The following DMD variants were observed in gnomAD, a reference collection of about 807,000 sequenced individuals.
DMD encodes dystrophin, also known as mutant dystrophin.
A neutral mutation model predicts 330.1 loss-of-function variants in DMD; 63 were observed. That is an observed-to-expected ratio of 0.19 (90% confidence interval 0.16 to 0.24). The LOEUF (loss-of-function observed/expected upper bound fraction) is 0.24. DMD is among the 10% of genes least tolerant of loss of function. The pLI, the probability that DMD is intolerant of heterozygous loss-of-function variation, is 1.00. For synonymous variants in DMD, 1,223 were observed against 959.8 expected (o/e 1.27, Z -5.07); for missense variants, 3,344 against 2,684.1 (o/e 1.25, Z -5.43).
In DMD at chrX:32,341,124, A is replaced by G. The variant is rs72626037; in HGVS notation, c.5922+976T>C. 1.4e-3 allele frequency among the ~76,000 whole-genome samples: 161 copies of G among 112,005 alleles called. 2 individuals are homozygous for G. The East Asian group carries it at 0.037, about 26-fold the overall frequency. On this transcript the variant is annotated intron_variant, in intron 41 of 78. Transcript: ENST00000357033. Reference sequence around the variant, plus strand: ...CACTATCACAGAAGAAGTTCCCAAGAAGTCTCATACATGGGCTGAACCCTA... The same window carrying G: ...CACTATCACAGAAGAAGTTCCCAAGGAGTCTCATACATGGGCTGAACCCTA...
chrX:32,683,471 G>A (rs979454697), intron 9 of DMD, among the ~76,000 whole-genome samples: 1 of 108,991 alleles, frequency 9.2e-6, no homozygotes, highest in Non-Finnish European at 1.9e-5. Context: ...CCATAAAAAA[G>A]GATGAGTTCA....
chrX:32,836,859 C>G (rs985454440), intron 4 of DMD, among the ~76,000 whole-genome samples: 1 of 111,694 alleles, frequency 9.0e-6, no homozygotes, highest in Non-Finnish European at 1.9e-5. Context: ...ATATATTGCC[C>G]GTTTATAATT....
At chrX:31,252,327 G>A (rs1573952) in intron 63 of DMD, among the ~76,000 whole-genome samples, 25,449 of 111,393 alleles carry the variant, frequency 0.23, 2,351 homozygotes, top group East Asian at 0.42. Flanking sequence ...TAATTATGCC[G>A]ATAAAGCAGT....
chrX:31,384,516 C>A (rs1459886964), intron 60 of DMD, among the ~76,000 whole-genome samples: 1 of 111,379 alleles, frequency 9.0e-6, no homozygotes, highest in Non-Finnish European at 1.9e-5. Flanking sequence ...GACTCATTTC[C>A]CCCATGCAGG....
chrX:32,450,579 T>G (rs944661628), intron 26 of DMD, among the ~76,000 whole-genome samples: 1 of 110,529 alleles, frequency 9.0e-6, no homozygotes, highest in Middle Eastern at 4.2e-3. Flanking sequence ...TCATTAGATC[T>G]TTACCCAAAC....
intron 29 of DMD, among the ~76,000 whole-genome samples, chrX:32,430,177 C>T (rs1191106678): frequency 9.0e-6 from 1 of 111,417 alleles, no homozygotes; most frequent in Non-Finnish European, 1.9e-5. Context: ...AGTCTAATGA[C>T]AGCCTAAATT....
rs1049057599 is a variant in DMD, at chrX:33,201,965, G to A, written c.31+9317C>T. 5.4e-5 allele frequency among the ~76,000 whole-genome samples: 6 copies of A among 112,134 alleles called. No individual in the cohort carries two copies. In the Admixed American group the frequency reaches 5.7e-4, roughly 11 times the overall value. ...CATCTTCACAAAGTAAGAAGAGTGA[G>A]ATAGTAATAAAATTGTGAAACAAGA... On this transcript the variant is annotated intron_variant, in intron 1 of 78. Coordinates refer to ENST00000357033, the MANE Select transcript of DMD (RefSeq NM_004006.3).
At chrX:32,414,441 A>G (rs1316717440) in intron 29 of DMD, among the ~76,000 whole-genome samples, 1 of 112,218 alleles carries the variant, frequency 8.9e-6, no homozygotes, top group Non-Finnish European at 1.9e-5. Flanking sequence ...CCCTCACATG[A>G]CATTATGTTC....
At chrX:32,233,540 T>A (rs148575308) in intron 43 of DMD, among the ~76,000 whole-genome samples, 1,534 of 111,313 alleles carry the variant, frequency 0.014, 25 homozygotes, top group African/African-American at 0.046. Flanking sequence ...AAAAAACTTC[T>A]TGGAGGGGGA....
At position 32,825,862 on chromosome X, in the gene DMD, G is replaced by T. The variant is rs6653891; in HGVS notation, c.265-2475C>A. On this transcript the variant is annotated intron_variant, in intron 4 of 78. Coordinates refer to ENST00000357033, the MANE Select transcript of DMD (RefSeq NM_004006.3). ...TGGAAGTTATTAAAGGCTAGGGGAG[G>T]TGAAAATGGAGAGTAATCGTTTAAT... is the stretch of plus-strand genomic sequence containing the variant. Among the ~76,000 whole-genome samples the T allele has an allele frequency of 4.5e-3, 503 of 111,401 alleles. 1 individual carries two copies. Among genetic ancestry groups the T allele is most frequent in the Middle Eastern group, 0.033 (7 of 212 alleles).
rs182589381 is a variant in DMD, at chrX:32,600,071, A to G, written c.1483-4195T>C. On this transcript the variant is annotated intron_variant, in intron 12 of 78. Transcript: ENST00000357033. ...ACAAAATTTGTTACTCCCTTAGTAC[A>G]TGTTCCCAATTTTATTATTTAAACC... 6.3e-5 allele frequency among the ~76,000 whole-genome samples: 7 copies of G among 111,918 alleles called. No homozygotes were observed. The East Asian group carries it at 2.0e-3, about 31-fold the overall frequency.
At chrX:31,198,720 T>C (rs1219237305) in intron 67 of DMD, among the ~76,000 whole-genome samples, 1 of 112,244 alleles carries the variant, frequency 8.9e-6, no homozygotes, top group Non-Finnish European at 1.9e-5. Flanking sequence ...TCTTCTTACG[T>C]TGATCTTATG....
chrX:32,621,510 G>A (rs964996045), intron 11 of DMD, among the ~76,000 whole-genome samples: 4 of 107,256 alleles, frequency 3.7e-5, no homozygotes, highest in Admixed American at 2.0e-4. Context: ...TCTTAATAGA[G>A]ACAAGGTCTC....
At chrX:31,542,275 G>A in intron 55 of DMD, among the ~76,000 whole-genome samples, 1 of 111,991 alleles carries the variant, frequency 8.9e-6, no homozygotes, top group South Asian at 3.7e-4. Context: ...CTTAAAGTTT[G>A]AGTGGAAGTT....
chrX:32,254,024 A>G (rs755427196), intron 43 of DMD, among the ~76,000 whole-genome samples: 1 of 110,680 alleles, frequency 9.0e-6, no homozygotes, highest in Non-Finnish European at 1.9e-5. Flanking sequence ...TCTGCAAAAG[A>G]GTTTATTAAA....
chrX:31,150,006 T>C (rs770225668), intron 74 of DMD, among the ~76,000 whole-genome samples: 30 of 112,272 alleles, frequency 2.7e-4, no homozygotes, highest in African/African-American at 9.4e-4. Flanking sequence ...CATTGAGTAC[T>C]TGAAATAATG....
At chrX:32,803,531 T>C (rs1246960307) in intron 7 of DMD, among the ~76,000 whole-genome samples, 2 of 111,216 alleles carry the variant, frequency 1.8e-5, no homozygotes, top group African/African-American at 6.5e-5. Flanking sequence ...GCTGCTCTAG[T>C]TCATTTAATT....
At chrX:32,736,000 T>A (rs1480472970) in intron 7 of DMD, among the ~76,000 whole-genome samples, 2 of 110,627 alleles carry the variant, frequency 1.8e-5, no homozygotes, top group Non-Finnish European at 3.8e-5. Flanking sequence ...TGGGAGAAAA[T>A]TTTTGCAACC....
chrX:33,142,414 A>C (rs776562242), intron 1 of DMD, among the ~76,000 whole-genome samples: 99 of 113,265 alleles, frequency 8.7e-4, no homozygotes, highest in Non-Finnish European at 1.6e-3. Flanking sequence ...AATGCCAACC[A>C]TTCAATTTTT....
Sources: allele counts gnomAD v4.1 joint callset (sites outside exome capture counted in the v4.1 genomes callset), GRCh38; gene constraint gnomAD v4.1.1; transcripts MANE v1.5; gene names NCBI Gene and HGNC (gene_info 2026-07-23, HGNC 2026-07-21).